ITPRID2: variants seen among roughly 807,000 people sequenced by gnomAD.
ITPRID2 encodes the protein ITPR interacting domain containing 2, also known as protein ITPRID2.
A neutral mutation model predicts 124.3 loss-of-function variants in ITPRID2; 60 were observed. The ratio of observed to expected loss-of-function variants is 0.48; its 90% CI spans 0.39 to 0.60. ITPRID2 has a LOEUF of 0.60. ITPRID2 is among the 20% of genes least tolerant of loss of function. The pLI is 0.00. For synonymous variants in ITPRID2, 521 were observed against 542.9 expected (o/e 0.96, Z 0.56); for missense variants, 1,553 against 1,512.2 (o/e 1.03, Z -0.45).
At chr2:181,926,298 C>G (rs151083945) in intron 16 of ITPRID2, among the ~76,000 whole-genome samples, 28 of 152,246 alleles carry the variant, frequency 1.8e-4, no homozygotes, top group African/African-American at 5.8e-4. Flanking sequence ...TTTTATGAAA[C>G]AGTATTCATT....
chr2:181,928,274 T>C lies in ITPRID2; in HGVS notation c.*9T>C. 1 of 1,507,182 alleles carries C rather than the reference T, an allele frequency of 6.6e-7. No homozygotes were observed. The highest frequency in any genetic ancestry group is 8.9e-7 in the Non-Finnish European group (1 of 1,120,770). 93.4% of individuals were successfully genotyped at this position (1,507,182 alleles called of 1,614,324 possible). On this transcript the variant is annotated 3_prime_UTR_variant, in exon 17 of 18. Coordinates refer to ENST00000431877, the MANE Select transcript of ITPRID2 (RefSeq NM_001130445.3). ...AGCAAGATTATCATTAAACAGAAAT[T>C]ATAGGTAAATTTTTCTGAGTTTCTT...
At chr2:181,894,080 G>C (rs909542731) in intron 2 of ITPRID2, 2 of 152,012 alleles carry the variant, frequency 1.3e-5, no homozygotes, top group African/African-American at 2.4e-5. Flanking sequence ...CTTAAAATAG[G>C]CTTAGCATTA....
chr2:181,895,695 A>G (rs1223266276), intron 2 of ITPRID2, among the ~76,000 whole-genome samples: 1 of 152,014 alleles, frequency 6.6e-6, no homozygotes, highest in African/African-American at 2.4e-5. Flanking sequence ...GTTGAGAAGA[A>G]CAGACATTTT....
At chr2:181,913,976 A>C in intron 10 of ITPRID2, 43 bp downstream of exon 10, 113 of 1,347,634 alleles carry the variant, frequency 8.4e-5, no homozygotes, top group Non-Finnish European at 1.1e-4. Flanking sequence ...TAACTTCCTC[A>C]TTTTAAGGTG....
Position 181,922,078 on chromosome 2 carries a change from C to T in ITPRID2, c.3341C>T (p.Ser1114Phe). 6.2e-7 allele frequency: 1 copy of T among 1,614,228 alleles called. No homozygotes were observed. Among genetic ancestry groups the T allele is most frequent in the Non-Finnish European group, 8.5e-7 (1 of 1,180,042 alleles). The change falls in exon 16 of 18, where the codon TCT becomes TTT. Residue 1114 changes from serine to phenylalanine, a missense_variant. Transcript: ENST00000431877. ...SVFSQATSESSSVCSGPSHAN... is the reference protein window; with the variant it reads ...SVFSQATSESFSVCSGPSHAN... Reference sequence around the variant, plus strand: ...TTTTCCCAAGCAACATCAGAATCATCTTCTGTATGTTCTGGTCCCTCTCAT... The same window carrying T: ...TTTTCCCAAGCAACATCAGAATCATTTTCTGTATGTTCTGGTCCCTCTCAT...
At position 181,891,996 on chromosome 2, in the gene ITPRID2, G is replaced by A; in HGVS notation, c.-71G>A. On this transcript the variant is annotated 5_prime_UTR_variant, in exon 1 of 18. Coordinates refer to ENST00000431877, the MANE Select transcript of ITPRID2 (RefSeq NM_001130445.3). ...CTGCCCGGCCGGGCGCTGACAGCAA[G>A]GGCGGGGGTCCCTGCCGCCGCCTTG... 3 of 1,424,990 alleles carry A rather than the reference G, an allele frequency of 2.1e-6. No homozygotes were observed. The highest frequency in any genetic ancestry group is 2.6e-5 in the South Asian group (2 of 76,496). The allele number at this position is 1,424,990 out of a possible 1,614,324, so 88.3% of individuals were successfully genotyped here. A position where few individuals can be genotyped will look rare whatever the true frequency, so the allele number is the denominator to read the frequency against.
intron 8 of ITPRID2, 50 bp from the exon 9 acceptor site, chr2:181,909,849 T>C: frequency 7.2e-7 from 1 of 1,383,546 alleles, no homozygotes; most frequent in Non-Finnish European, 1.0e-6. Context: ...GAAGTTATAC[T>C]TGTTTGCCTT....
In ITPRID2 at chr2:181,892,071, A is replaced by T; in HGVS notation, c.5A>T (p.Asp2Val). 6.4e-7 allele frequency: 1 copy of T among 1,550,630 alleles called. No homozygotes were observed. Among genetic ancestry groups the T allele is most frequent in the Non-Finnish European group, 8.7e-7 (1 of 1,148,028 alleles). Reference protein sequence around the residue: MDRPLSSSAEAE... With the variant: MVRPLSSSAEAE... ...AGCGGAGCCCCCAGTGCGGCCATGG[A>T]CCGGCCCCTGTCGTCGTCGGCGGAG... is the stretch of plus-strand genomic sequence containing the variant. Residue 2 changes from aspartate to valine, a missense_variant, in exon 1 of 18, where the codon GAC becomes GTC. Coordinates refer to ENST00000431877, the MANE Select transcript of ITPRID2 (RefSeq NM_001130445.3). The surrounding 1 kb of genome is among the most constrained non-coding windows in gnomAD (Gnocchi z 5.2).
In ITPRID2 at chr2:181,907,678, T is replaced by C; in HGVS notation, c.1414-2221T>C. On this transcript the variant is annotated intron_variant, in intron 8 of 17. Coordinates refer to ENST00000431877, the MANE Select transcript of ITPRID2 (RefSeq NM_001130445.3). This position sits in a 1 kb window ranked among gnomAD's most constrained non-coding sequence, Gnocchi z 5.1. ...TTGTCACATAAATCTAAATTCTGTGTTCTATATTTGCTTCATAATTCTCTG... is the reference window on the plus strand; with the variant it reads ...TTGTCACATAAATCTAAATTCTGTGCTCTATATTTGCTTCATAATTCTCTG... Among the ~76,000 whole-genome samples, 1 of 152,162 alleles carries C rather than the reference T, an allele frequency of 6.6e-6. No individual in the cohort carries two copies. Among genetic ancestry groups the C allele is most frequent in the East Asian group, 1.9e-4 (1 of 5,190 alleles).
chr2:181,899,231 C>T (rs960962051), intron 6 of ITPRID2, 119 bp downstream of exon 6: 12 of 709,258 alleles, frequency 1.7e-5, no homozygotes, highest in Non-Finnish European at 2.5e-5. Context: ...ACAAAAAGAG[C>T]GTTTCCTGTA....
rs1347467964 is a variant in ITPRID2 at position 181,900,692 on chromosome 2, G to A, written c.504-4G>A. The A allele has an allele frequency of 2.5e-6, 4 of 1,581,430 alleles. No homozygotes were observed. Among genetic ancestry groups the A allele is most frequent in the South Asian group, 1.2e-5 (1 of 85,350 alleles). Reference sequence around the variant, plus strand: ...GTTTCCTTTTTTGCCCCCTTTTTTTGTAGTGTTTCAGAATTGTTGGAACTT... The same window carrying A: ...GTTTCCTTTTTTGCCCCCTTTTTTTATAGTGTTTCAGAATTGTTGGAACTT... On this transcript the variant is annotated splice_polypyrimidine_tract_variant and splice_region_variant and intron_variant, in intron 6 of 17. Coordinates refer to ENST00000431877, the MANE Select transcript of ITPRID2 (RefSeq NM_001130445.3).
At position 181,910,880 on chromosome 2, in the gene ITPRID2, T is replaced by G; in HGVS notation, c.1486+909T>G. Among the ~76,000 whole-genome samples the G allele has an allele frequency of 6.6e-6, 1 of 152,208 alleles. No homozygotes were observed. ...AGACTCAAAATTGAACTTTACTATTTAATTTTCTTCCCCTTGTAAGTTCAT... is the reference window on the plus strand; with the variant it reads ...AGACTCAAAATTGAACTTTACTATTGAATTTTCTTCCCCTTGTAAGTTCAT... On this transcript the variant is annotated intron_variant, in intron 9 of 17. Transcript: ENST00000431877. The surrounding 1 kb of genome is among the most constrained non-coding windows in gnomAD (Gnocchi z 4.1).
chr2:181,913,546 A>G (rs1693790236), intron 9 of ITPRID2, among the ~76,000 whole-genome samples: 1 of 152,234 alleles, frequency 6.6e-6, no homozygotes, highest in Non-Finnish European at 1.5e-5. Flanking sequence ...CAAGGATAAA[A>G]CATTGATTGG....
In ITPRID2 at chr2:181,907,944, GAGT is replaced by G. The variant is rs1693283655; in HGVS notation, c.1414-1952_1414-1950del. ...TTATGGAGTTTGTAGTAAAAGGAGA[GAGT>G]AGATTTGTTTTTGCCATTGAGTAGC... On this transcript the variant is annotated intron_variant, in intron 8 of 17. Coordinates refer to ENST00000431877, the MANE Select transcript of ITPRID2 (RefSeq NM_001130445.3). The surrounding 1 kb of genome is among the most constrained non-coding windows in gnomAD (Gnocchi z 5.1). Among the ~76,000 whole-genome samples, 1 of 152,300 alleles carries G rather than the reference GAGT, an allele frequency of 6.6e-6. No homozygotes were observed. The highest frequency in any genetic ancestry group is 6.5e-5 in the Admixed American group (1 of 15,286).
chr2:181,898,566 C>G (rs1353639592), intron 4 of ITPRID2, among the ~76,000 whole-genome samples: 1 of 151,962 alleles, frequency 6.6e-6, no homozygotes, highest in Non-Finnish European at 1.5e-5. Context: ...TACATATCTT[C>G]CTCATTACTT....
rs1453275680 is a variant in ITPRID2, at chr2:181,905,139, T to C, written c.1413+2673T>C. 6.6e-6 allele frequency among the ~76,000 whole-genome samples: 1 copy of C among 151,022 alleles called. No homozygotes were observed. Among genetic ancestry groups the C allele is most frequent in the Non-Finnish European group, 1.5e-5 (1 of 67,874 alleles). On this transcript the variant is annotated intron_variant, in intron 8 of 17. Coordinates refer to ENST00000431877, the MANE Select transcript of ITPRID2 (RefSeq NM_001130445.3). The surrounding 1 kb of genome is among the most constrained non-coding windows in gnomAD (Gnocchi z 4.1). ...ATCTTGGCTAACTGCAACGTCTGCC[T>C]CCTGGGTTCATGTAATTCTCCTGCC...
chr2:181,897,664 C>CATAGCTGT, intron 4 of ITPRID2, among the ~76,000 whole-genome samples: 1 of 151,770 alleles, frequency 6.6e-6, no homozygotes, highest in Non-Finnish European at 1.5e-5. Context: ...ATAGATTATT[C>CATAGCTGT]ATAGCTGTAT....
intron 16 of ITPRID2, among the ~76,000 whole-genome samples, chr2:181,922,984 A>G (rs944266733): frequency 3.3e-5 from 5 of 152,204 alleles, no homozygotes; most frequent in African/African-American, 1.2e-4. Context: ...TTGTGATTTT[A>G]ATAAGTATAA....
chr2:181,906,301 C>T (rs961910833), intron 8 of ITPRID2, among the ~76,000 whole-genome samples: 7 of 152,092 alleles, frequency 4.6e-5, no homozygotes, highest in Admixed American at 2.6e-4. Flanking sequence ...AGGAGCACAG[C>T]GGGTGTCAGT....
Sources: allele counts gnomAD v4.1 joint callset (sites outside exome capture counted in the v4.1 genomes callset), GRCh38; gene constraint gnomAD v4.1.1; non-coding constraint Gnocchi (gnomAD v3.1); transcripts MANE v1.5; gene names NCBI Gene and HGNC (gene_info 2026-07-23, HGNC 2026-07-21).